UGT1A7: variants seen among roughly 807,000 people sequenced by gnomAD.
UGT1A7 encodes UDP glucuronosyltransferase family 1 member A7.
In UGT1A7, 33 loss-of-function variants were observed where a neutral mutation model predicts 45.6. The ratio of observed to expected loss-of-function variants is 0.72; its 90% CI spans 0.55 to 0.97. The LOEUF (loss-of-function observed/expected upper bound fraction) is 0.97, where lower values mean the gene tolerates loss of function less well. Among genes scored for constraint, UGT1A7 ranks in the 50% least tolerant of loss-of-function variants. UGT1A7 has a pLI of 0.00. For synonymous variants in UGT1A7, 274 were observed against 250.6 expected (o/e 1.09, Z -0.88); for missense variants, 684 against 666.2 (o/e 1.03, Z -0.29).
At position 233,768,045 on chromosome 2, in the gene UGT1A7, A is replaced by G. The variant is rs1699553884; in HGVS notation, c.1075+109A>G. 10 of 1,608,356 alleles carry G rather than the reference A, an allele frequency of 6.2e-6. No individual in the cohort carries two copies. The Admixed American group carries it at 1.5e-4, about 25-fold the overall frequency. On this transcript the variant is annotated intron_variant, in intron 3 of 4. Coordinates refer to ENST00000373426, the MANE Select transcript of UGT1A7 (RefSeq NM_019077.3). ...TGAGCTTGAAAATATTATGGCCAAC[A>G]TATCCTACATTGCTTTTTATCTAGT...
At chr2:233,738,294 G>T (rs1255445696) in intron 1 of UGT1A7, among the ~76,000 whole-genome samples, 4 of 152,100 alleles carry the variant, frequency 2.6e-5, no homozygotes, top group Non-Finnish European at 4.4e-5. Flanking sequence ...CCCAGTCTTG[G>T]GTATGTCTTT....
At chr2:233,750,254 C>A (rs1056169582) in intron 1 of UGT1A7, among the ~76,000 whole-genome samples, 6 of 152,046 alleles carry the variant, frequency 3.9e-5, no homozygotes, top group African/African-American at 1.5e-4. Flanking sequence ...ACAAAGGTCA[C>A]CCTTGCTATG....
At position 233,682,601 on chromosome 2, in the gene UGT1A7, T is replaced by A; in HGVS notation, c.664T>A (p.Tyr222Asn). 1 of 1,613,932 alleles carries A rather than the reference T, an allele frequency of 6.2e-7. No homozygotes were observed. Among genetic ancestry groups the A allele is most frequent in the Non-Finnish European group, 8.5e-7 (1 of 1,179,824 alleles). Residue 222 changes from tyrosine to asparagine, a missense_variant, in exon 1 of 5, where the codon TAT (tyrosine) becomes AAT (asparagine). By Grantham distance (143) the Tyr-to-Asn change is moderately radical. Coordinates refer to ENST00000373426, the MANE Select transcript of UGT1A7 (RefSeq NM_019077.3). ...MHLEEHLFCP[Y>N]FFKNVLEIAS... ...CTTGGAGGAACATTTATTTTGCCCC[T>A]ATTTTTTCAAAAATGTCTTAGAAAT...
chr2:233,753,502 C>A (rs1316574897), intron 1 of UGT1A7: 1 of 152,214 alleles, frequency 6.6e-6, no homozygotes, highest in East Asian at 1.9e-4. Context: ...TTTTTTCAGC[C>A]TGTCTAGTTG....
chr2:233,698,030 A>AT (rs1256116302), intron 1 of UGT1A7, among the ~76,000 whole-genome samples: 4 of 152,048 alleles, frequency 2.6e-5, no homozygotes, highest in Admixed American at 6.6e-5. Context: ...CAATTATCTT[A>AT]TTTTTTCAAA....
intron 1 of UGT1A7, among the ~76,000 whole-genome samples, chr2:233,761,978 G>A (rs947618547): frequency 6.6e-6 from 1 of 152,138 alleles, no homozygotes; most frequent in Non-Finnish European, 1.5e-5. Flanking sequence ...TATCACCTTC[G>A]GAGGTGACCT....
At chr2:233,728,754 C>A (rs1442731907) in intron 1 of UGT1A7, among the ~76,000 whole-genome samples, 2 of 152,152 alleles carry the variant, frequency 1.3e-5, no homozygotes, top group Non-Finnish European at 2.9e-5. Flanking sequence ...AATGGTGACT[C>A]CTCAGACCTC....
intron 1 of UGT1A7, among the ~76,000 whole-genome samples, chr2:233,750,457 C>T (rs542993869): frequency 6.6e-5 from 10 of 152,092 alleles, no homozygotes; most frequent in African/African-American, 2.4e-4. Flanking sequence ...AAACCAGCTA[C>T]AGAAATACTG....
intron 1 of UGT1A7, among the ~76,000 whole-genome samples, chr2:233,702,488 T>C (rs964835530): frequency 6.6e-6 from 1 of 152,186 alleles, no homozygotes; most frequent in Non-Finnish European, 1.5e-5. Flanking sequence ...CTTGAACCTC[T>C]AGTACCGTGT....
At chr2:233,726,073 G>A (rs2077498872) in intron 1 of UGT1A7, among the ~76,000 whole-genome samples, 1 of 152,190 alleles carries the variant, frequency 6.6e-6, no homozygotes, top group Non-Finnish European at 1.5e-5. Context: ...GGCTGAGGCA[G>A]GAGGATTACT....
intron 1 of UGT1A7, among the ~76,000 whole-genome samples, chr2:233,746,960 G>T (rs1278359250): frequency 6.6e-6 from 1 of 151,782 alleles, no homozygotes; most frequent in African/African-American, 2.4e-5. Flanking sequence ...GCTTGAACTT[G>T]GATGTTCCCC....
At chr2:233,748,049 C>CAA (rs1416676194) in intron 1 of UGT1A7, 1 of 1,613,268 alleles carries the variant, frequency 6.2e-7, no homozygotes, top group African/African-American at 1.3e-5. Flanking sequence ...TTGGGGGCAT[C>CAA]AACTGTGCCA....
intron 1 of UGT1A7, chr2:233,753,750 T>C (rs1387497613): frequency 6.6e-6 from 1 of 152,184 alleles, no homozygotes; most frequent in Non-Finnish European, 1.5e-5. Context: ...AATAGGACAG[T>C]TTTGCGTGGC....
chr2:233,689,650 T>A (rs372119020), intron 1 of UGT1A7, among the ~76,000 whole-genome samples: 34 of 152,280 alleles, frequency 2.2e-4, no homozygotes, highest in African/African-American at 7.9e-4. Flanking sequence ...TGCTCATGAG[T>A]GTGACTTCCT....
chr2:233,771,968 G>A (rs942006859), intron 4 of UGT1A7, among the ~76,000 whole-genome samples: 1 of 152,094 alleles, frequency 6.6e-6, no homozygotes, highest in Non-Finnish European at 1.5e-5. Context: ...TTTAAAAATT[G>A]GCCAGACATA....
chr2:233,686,821 T>G, intron 1 of UGT1A7, among the ~76,000 whole-genome samples: 1 of 152,154 alleles, frequency 6.6e-6, no homozygotes, highest in East Asian at 1.9e-4. Context: ...CCTACCTATT[T>G]TATTCCTCTT....
At chr2:233,685,302 A>G (rs1183812820) in intron 1 of UGT1A7, among the ~76,000 whole-genome samples, 1 of 152,094 alleles carries the variant, frequency 6.6e-6, no homozygotes, top group African/African-American at 2.4e-5. Flanking sequence ...CAAAGTGTTG[A>G]GATTACAGGT....
At position 233,772,584 on chromosome 2, in the gene UGT1A7, A is replaced by T; in HGVS notation, c.*25A>T. 6.2e-7 allele frequency: 1 copy of T among 1,604,676 alleles called. No homozygotes were observed. The highest frequency in any genetic ancestry group is 8.5e-7 in the Non-Finnish European group (1 of 1,174,986). On this transcript the variant is annotated 3_prime_UTR_variant, in exon 5 of 5. Transcript: ENST00000373426. ...AGAAGTGGGTGGGAAATAAGGTAAAATTTTGAACCATTCCCTAGTCATTTC... is the reference window on the plus strand; with the variant it reads ...AGAAGTGGGTGGGAAATAAGGTAAATTTTTGAACCATTCCCTAGTCATTTC...
At chr2:233,730,703 G>A (rs1238430007) in intron 1 of UGT1A7, among the ~76,000 whole-genome samples, 8 of 152,058 alleles carry the variant, frequency 5.3e-5, no homozygotes, top group Non-Finnish European at 8.8e-5. Flanking sequence ...TCTTCTACTT[G>A]GAATGCTGAA....
Sources: allele counts gnomAD v4.1 joint callset (sites outside exome capture counted in the v4.1 genomes callset), GRCh38; gene constraint gnomAD v4.1.1; transcripts MANE v1.5; gene names NCBI Gene and HGNC (gene_info 2026-07-23, HGNC 2026-07-21).